Variants in CHST9 observed in about 807,000 individuals in gnomAD.
CHST9 encodes the protein GalNAc-4-sulfotransferase 2.
A neutral mutation model predicts 44.4 loss-of-function variants in CHST9; 41 were observed. The ratio of observed to expected loss-of-function variants is 0.92; its 90% confidence interval spans 0.72 to 1.20. CHST9 has a LOEUF of 1.20. CHST9 is among the 50% of genes most tolerant of loss of function. The probability of loss-of-function intolerance (pLI) is 0.00; values close to 1 mark genes in which losing one functional copy is unlikely to be tolerated. For synonymous variants in CHST9, 171 were observed against 178.4 expected (o/e 0.96, Z 0.33); for missense variants, 504 against 516.5 (o/e 0.98, Z 0.23).
intron 2 of CHST9, among the ~76,000 whole-genome samples, chr18:27,128,898 C>T (rs944419445): frequency 6.6e-6 from 1 of 152,178 alleles, no homozygotes; most frequent in Non-Finnish European, 1.5e-5. Context: ...CCGTTGGCTG[C>T]TCTGTCTTTT....
chr18:27,042,773 ATCTC>A (rs370600986), intron 3 of CHST9, among the ~76,000 whole-genome samples: 4 of 141,954 alleles, frequency 2.8e-5, no homozygotes, highest in African/African-American at 1.0e-4. Flanking sequence ...TTCTCTCTCT[ATCTC>A]TCTCTCTCTC....
chr18:26,920,838 A>G (rs1321218839), intron 5 of CHST9, among the ~76,000 whole-genome samples: 4 of 152,210 alleles, frequency 2.6e-5, no homozygotes, highest in East Asian at 1.9e-4. Context: ...GCAGTAAAGT[A>G]GATGTGGAGG....
intron 4 of CHST9, among the ~76,000 whole-genome samples, chr18:27,000,938 G>A (rs1405143510): frequency 3.3e-5 from 5 of 152,034 alleles, no homozygotes; most frequent in African/African-American, 1.2e-4. Flanking sequence ...TTTGCTCTTA[G>A]AACAAACGGA....
rs1384749463 is a variant in CHST9, at chr18:26,992,150, A to C, written c.202+31966T>G. Among the ~76,000 whole-genome samples, 2 of 126,994 alleles carry C rather than the reference A, an allele frequency of 1.6e-5. 1 individual carries two copies. The highest frequency in any genetic ancestry group is 3.6e-5 in the Non-Finnish European group (2 of 55,666). 83.3% of individuals were successfully genotyped at this position (126,994 alleles called of 152,430 possible). A position where few individuals can be genotyped will look rare whatever the true frequency, so the allele number is the denominator to read the frequency against. On this transcript the variant is annotated intron_variant, in intron 4 of 5. Coordinates refer to ENST00000618847, the MANE Select transcript of CHST9 (RefSeq NM_031422.6). ...TTGAGCCCACACATCCTAGATTCTCACTTTCCCAGAATCCACAAAGATGGG... is the reference window on the plus strand; with the variant it reads ...TTGAGCCCACACATCCTAGATTCTCCCTTTCCCAGAATCCACAAAGATGGG...
At chr18:27,028,738 G>A (rs1261406203) in intron 3 of CHST9, among the ~76,000 whole-genome samples, 1 of 151,820 alleles carries the variant, frequency 6.6e-6, no homozygotes, top group Non-Finnish European at 1.5e-5. Flanking sequence ...TTAGTACAGA[G>A]GTGGTTTCAC....
chr18:27,115,482 T>C (rs751318615), intron 2 of CHST9, among the ~76,000 whole-genome samples: 40 of 152,090 alleles, frequency 2.6e-4, no homozygotes, highest in Admixed American at 7.9e-4. Context: ...CCAAGTAATA[T>C]ATAAAATTCC....
intron 5 of CHST9, chr18:26,936,525 G>A (rs1212168138): frequency 1.3e-5 from 2 of 152,066 alleles, no homozygotes; most frequent in Non-Finnish European, 1.5e-5. Flanking sequence ...CTTTCTATAC[G>A]GAGGTGATGA....
chr18:27,072,097 T>C (rs562705516), intron 2 of CHST9, among the ~76,000 whole-genome samples: 7 of 152,318 alleles, frequency 4.6e-5, no homozygotes, highest in Non-Finnish European at 1.0e-4. Flanking sequence ...GATTGGACTA[T>C]AGCTGGGCTT....
At position 26,910,829 on chromosome 18, in the gene CHST9, G is replaced by A. The variant is rs757136356; in HGVS notation, c.*5430C>T. On this transcript the variant is annotated 3_prime_UTR_variant, in exon 6 of 6. Transcript: ENST00000618847. Reference sequence around the variant, plus strand: ...TTTTTTGAAAGCTACTTTTGGAAACGGTTAGACTTACTCTTCATGTCATTA... The same window carrying A: ...TTTTTTGAAAGCTACTTTTGGAAACAGTTAGACTTACTCTTCATGTCATTA... The A allele has an allele frequency of 2.6e-5, 4 of 152,090 alleles. No individual in the cohort carries two copies. Among genetic ancestry groups the A allele is most frequent in the Admixed American group, 2.0e-4 (3 of 15,258 alleles). 9.4% of individuals were successfully genotyped at this position (152,090 alleles called of 1,614,324 possible). A position where few individuals can be genotyped will look rare whatever the true frequency, so the allele number is the denominator to read the frequency against.
At chr18:27,064,751 A>T (rs954666675) in intron 2 of CHST9, among the ~76,000 whole-genome samples, 7 of 152,096 alleles carry the variant, frequency 4.6e-5, no homozygotes, top group Admixed American at 4.6e-4. Flanking sequence ...TCCCATATTC[A>T]ATAGGACACT....
At chr18:27,038,767 G>A (rs1421183281) in intron 3 of CHST9, among the ~76,000 whole-genome samples, 2 of 151,922 alleles carry the variant, frequency 1.3e-5, no homozygotes, top group East Asian at 3.9e-4. Flanking sequence ...TTCAATGATT[G>A]CATCATGTAA....
intron 4 of CHST9, among the ~76,000 whole-genome samples, chr18:26,948,209 G>A (rs1248324627): frequency 2.0e-5 from 3 of 152,066 alleles, no homozygotes; most frequent in Non-Finnish European, 4.4e-5. Context: ...AGAACACATG[G>A]GCACAGGGAG....
intron 4 of CHST9, among the ~76,000 whole-genome samples, chr18:26,967,105 A>C (rs1473663365): frequency 6.6e-6 from 1 of 152,098 alleles, no homozygotes; most frequent in Non-Finnish European, 1.5e-5. Context: ...AACACTAATC[A>C]TATTCATCAT....
chr18:27,144,347 T>C (rs555396833), intron 1 of CHST9, among the ~76,000 whole-genome samples: 4 of 152,204 alleles, frequency 2.6e-5, no homozygotes, highest in African/African-American at 9.6e-5. Context: ...GGAAATTGCT[T>C]GTCTGGTTAA....
chr18:27,058,714 G>T (rs1272423650), intron 2 of CHST9, among the ~76,000 whole-genome samples: 2 of 152,128 alleles, frequency 1.3e-5, no homozygotes, highest in Admixed American at 6.5e-5. Context: ...AGATACGTGG[G>T]TCAAGAAACC....
intron 3 of CHST9, among the ~76,000 whole-genome samples, chr18:27,026,266 G>A (rs2057284251): frequency 6.6e-6 from 1 of 152,110 alleles, no homozygotes; most frequent in South Asian, 2.1e-4. Flanking sequence ...ACACATCATG[G>A]ATGGAAGTAT....
intron 1 of CHST9, among the ~76,000 whole-genome samples, chr18:27,162,832 C>T (rs902108632): frequency 6.6e-6 from 1 of 152,208 alleles, no homozygotes; most frequent in Admixed American, 6.5e-5. Context: ...ATTCTCCATC[C>T]AGCTTTGTTC....
At chr18:26,947,204 G>A (rs1229821347) in intron 4 of CHST9, among the ~76,000 whole-genome samples, 1 of 152,098 alleles carries the variant, frequency 6.6e-6, no homozygotes, top group Non-Finnish European at 1.5e-5. Flanking sequence ...TTGAGCAGTG[G>A]TTTGTAGTTC....
intron 2 of CHST9, among the ~76,000 whole-genome samples, chr18:27,102,441 G>A (rs571078807): frequency 6.4e-4 from 98 of 152,130 alleles, no homozygotes; most frequent in Non-Finnish European, 1.1e-3. Context: ...GTCTAGTGGC[G>A]CAAACTATTG....
Sources: gnomAD v4.1 joint callset for allele counts (sites outside exome capture counted in the v4.1 genomes callset) on GRCh38, gnomAD v4.1.1 for gene constraint, MANE v1.5 for transcripts, NCBI Gene and HGNC (gene_info 2026-07-23, HGNC 2026-07-21) for gene names.